The following SOX5 variants were observed in gnomAD, a reference collection of about 807,000 sequenced individuals.
SOX5 encodes the protein SRY-box transcription factor 5.
A neutral mutation model predicts 92.0 loss-of-function variants in SOX5; 9 were observed. The ratio of observed to expected loss-of-function variants is 0.10; its 90% confidence interval spans 0.06 to 0.17. SOX5 has a LOEUF of 0.17. Ranked by LOEUF, SOX5 falls within the 10% of genes least tolerant of loss-of-function variation. The pLI is 1.00. For missense variants in SOX5, 642 were observed against 944.5 expected (o/e 0.68, Z 4.20); for synonymous variants, 344 against 336.3 (o/e 1.02, Z -0.25).
intron 9 of SOX5, among the ~76,000 whole-genome samples, chr12:23,601,310 T>C (rs2074467382): frequency 6.6e-6 from 1 of 152,152 alleles, no homozygotes; most frequent in African/African-American, 2.4e-5. Flanking sequence ...GGCAAAAGCA[T>C]ACCCAGGAAG....
At chr12:23,697,908 T>C (rs1313822680) in intron 6 of SOX5, among the ~76,000 whole-genome samples, 1 of 152,242 alleles carries the variant, frequency 6.6e-6, no homozygotes, top group Non-Finnish European at 1.5e-5. Flanking sequence ...ACAATCTTGC[T>C]ATTTGTTTTC....
intron 8 of SOX5, among the ~76,000 whole-genome samples, chr12:23,629,472 C>G (rs2078256835): frequency 6.6e-6 from 1 of 152,004 alleles, no homozygotes; most frequent in African/African-American, 2.4e-5. Context: ...TAAATTGCCT[C>G]ATCCATAAAA....
At chr12:24,317,206 AT>A (rs1949775732) in intron 2 of SOX5, among the ~76,000 whole-genome samples, 1 of 152,220 alleles carries the variant, frequency 6.6e-6, no homozygotes, top group Admixed American at 6.5e-5. Flanking sequence ...TAAGAAAGCA[AT>A]TTTTAACACA....
At chr12:23,618,681 G>C (rs1342137234) in intron 8 of SOX5, among the ~76,000 whole-genome samples, 3 of 152,126 alleles carry the variant, frequency 2.0e-5, no homozygotes, top group Admixed American at 2.0e-4. Flanking sequence ...AGTTTGGTGA[G>C]AAAGATGAAA....
chr12:23,580,260 C>A (rs1377053004), intron 9 of SOX5, among the ~76,000 whole-genome samples: 1 of 151,972 alleles, frequency 6.6e-6, no homozygotes. Context: ...CTTTTAATTT[C>A]TGTGACAAAT....
chr12:23,551,364 A>G (rs938081475), intron 11 of SOX5, among the ~76,000 whole-genome samples: 1 of 151,852 alleles, frequency 6.6e-6, no homozygotes, highest in Non-Finnish European at 1.5e-5. Flanking sequence ...CCACTCTTTA[A>G]CCTCTCGTTT....
chr12:23,647,930 C>A (rs762865691), intron 7 of SOX5, among the ~76,000 whole-genome samples: 11 of 152,174 alleles, frequency 7.2e-5, no homozygotes, highest in Non-Finnish European at 1.3e-4. Flanking sequence ...CTTTTAATTT[C>A]CTTCCAGAAC....
chr12:23,893,019 T>C (rs2097143817), intron 2 of SOX5, among the ~76,000 whole-genome samples: 1 of 152,212 alleles, frequency 6.6e-6, no homozygotes, highest in African/African-American at 2.4e-5. Flanking sequence ...AAAGAGAACT[T>C]CTGCTTTAGA....
At chr12:24,431,313 A>ATG (rs1938268493) in intron 1 of SOX5, among the ~76,000 whole-genome samples, 1 of 152,172 alleles carries the variant, frequency 6.6e-6, no homozygotes, top group East Asian at 1.9e-4. Flanking sequence ...ATTGAGAGGC[A>ATG]ATTCTATTAC....
chr12:24,148,543 T>C (rs1951319220), intron 4 of SOX5, among the ~76,000 whole-genome samples: 1 of 123,554 alleles, frequency 8.1e-6, no homozygotes, highest in Non-Finnish European at 1.7e-5. Flanking sequence ...TAGAACAGAA[T>C]AGACTTTAGA....
intron 7 of SOX5, among the ~76,000 whole-genome samples, chr12:23,649,294 G>T (rs906075647): frequency 6.6e-6 from 1 of 151,840 alleles, no homozygotes; most frequent in Non-Finnish European, 1.5e-5. Context: ...AAAAAAAAGA[G>T]TTTTTATTGA....
At chr12:23,775,484 G>A (rs935759542) in intron 3 of SOX5, among the ~76,000 whole-genome samples, 4 of 152,102 alleles carry the variant, frequency 2.6e-5, no homozygotes, top group Non-Finnish European at 5.9e-5. Context: ...AAGAATAGGT[G>A]GCATAACACA....
At chr12:23,971,950 T>G (rs1948390464) in intron 4 of SOX5, among the ~76,000 whole-genome samples, 2 of 152,188 alleles carry the variant, frequency 1.3e-5, no homozygotes, top group South Asian at 4.1e-4. Flanking sequence ...AAAGAAAAAT[T>G]TATAAAAAGA....
At chr12:24,533,518 A>G (rs573995277) in intron 1 of SOX5, among the ~76,000 whole-genome samples, 1 of 152,302 alleles carries the variant, frequency 6.6e-6, no homozygotes, top group South Asian at 2.1e-4. Context: ...GAGAGGGATA[A>G]AGAAGGTATG....
chr12:24,025,273 G>T (rs1954755532), intron 4 of SOX5, among the ~76,000 whole-genome samples: 1 of 151,978 alleles, frequency 6.6e-6, no homozygotes, highest in South Asian at 2.1e-4. Flanking sequence ...GTAATCCAAA[G>T]CGGAGGCCAC....
intron 3 of SOX5, among the ~76,000 whole-genome samples, chr12:24,220,096 G>A (rs1594419457): frequency 6.6e-6 from 1 of 151,830 alleles, no homozygotes; most frequent in East Asian, 1.9e-4. Context: ...AGAATTCTGT[G>A]TTAGGAGGTA....
intron 8 of SOX5, among the ~76,000 whole-genome samples, chr12:23,614,867 T>A (rs1397631403): frequency 1.3e-5 from 2 of 152,218 alleles, no homozygotes; most frequent in Non-Finnish European, 2.9e-5. Context: ...AATGGCACAA[T>A]CTTGGCTCAC....
At chr12:24,340,878 C>G (rs74070013) in intron 2 of SOX5, among the ~76,000 whole-genome samples, 162 of 152,282 alleles carry the variant, frequency 1.1e-3, no homozygotes, top group African/African-American at 3.6e-3. Flanking sequence ...TTCATTTTGA[C>G]GAAGTGCACA....
intron 1 of SOX5, among the ~76,000 whole-genome samples, chr12:24,369,368 C>T (rs1956495614): frequency 6.6e-6 from 1 of 152,148 alleles, no homozygotes; most frequent in Non-Finnish European, 1.5e-5. Context: ...ACTTTCAGCC[C>T]AACACCAACA....
Sources: allele counts gnomAD v4.1 joint callset (sites outside exome capture counted in the v4.1 genomes callset), GRCh38; gene constraint gnomAD v4.1.1; transcripts MANE v1.5; gene names NCBI Gene and HGNC (gene_info 2026-07-23, HGNC 2026-07-21).